The following RGS22 variants were observed in gnomAD, a reference collection of about 807,000 sequenced individuals.
RGS22 encodes the protein regulator of G-protein signaling 22.
In RGS22, 148 loss-of-function variants were observed where a neutral mutation model predicts 172.9. That is an observed-to-expected ratio of 0.86 (90% CI 0.75 to 0.98). The LOEUF is 0.98. RGS22 is among the 50% of genes least tolerant of loss of function. The pLI, the probability that RGS22 is intolerant of heterozygous loss-of-function variation, is 0.00. For synonymous variants in RGS22, 458 were observed against 480.2 expected, an observed-to-expected ratio of 0.95 and a Z score of 0.60; for missense variants, 1,347 against 1,440.8, an observed-to-expected ratio of 0.93 and a Z score of 1.05.
intron 3 of RGS22, among the ~76,000 whole-genome samples, chr8:100,084,956 A>C (rs1354682456): frequency 6.6e-6 from 1 of 152,228 alleles, no homozygotes; most frequent in African/African-American, 2.4e-5. Context: ...AAGGGTAGTA[A>C]TACTAGAATA....
chr8:100,093,257 T>TAA, intron 3 of RGS22, 190 bp downstream of exon 3: 1 of 481,468 alleles, frequency 2.1e-6, no homozygotes, highest in Admixed American at 3.9e-5. Flanking sequence ...ATTTCTTCAA[T>TAA]AAGAATAATT....
chr8:100,097,083 G>T (rs1471076697), intron 2 of RGS22, among the ~76,000 whole-genome samples: 1 of 152,134 alleles, frequency 6.6e-6, no homozygotes, highest in Non-Finnish European at 1.5e-5. Flanking sequence ...GGGCAATAAT[G>T]CTGAGGACAT....
chr8:100,077,264 GTTCT>G (rs945115168), intron 4 of RGS22, among the ~76,000 whole-genome samples: 10 of 151,826 alleles, frequency 6.6e-5, no homozygotes, highest in Non-Finnish European at 1.5e-4. Flanking sequence ...CATTGATTCT[GTTCT>G]TTATTTCTTT....
chr8:100,101,905 T>C (rs1020868094), intron 2 of RGS22, among the ~76,000 whole-genome samples: 2 of 151,014 alleles, frequency 1.3e-5, no homozygotes, highest in African/African-American at 4.9e-5. Context: ...AATAATAAAA[T>C]ATTTTTCTCA....
intron 20 of RGS22, among the ~76,000 whole-genome samples, chr8:99,991,555 A>G (rs1465112046): frequency 6.6e-6 from 1 of 152,190 alleles, no homozygotes; most frequent in Non-Finnish European, 1.5e-5. Context: ...GCAAGAAGAC[A>G]AGGTTAGAGA....
chr8:100,041,866 G>C lies in RGS22; in HGVS notation c.1874C>G (p.Thr625Ser). 1.2e-6 allele frequency: 2 copies of C among 1,613,218 alleles called. No individual in the cohort carries two copies. Among genetic ancestry groups the C allele is most frequent in the Non-Finnish European group, 1.7e-6 (2 of 1,179,412 alleles). The stretch of plus-strand genomic sequence containing the variant: ...GGGCTTGAGACATTCAGAAATGTCA[G>C]TAAAAGATGTTAAATGAATGACTTT... ...SSKVIHLTSF[T>S]DISECLKPQL... is the part of the protein sequence containing the mutation. Residue 625 changes from threonine (T) to serine (S), a missense_variant, in exon 12 of 28, where the codon ACT becomes AGT. By Grantham distance (58) the Thr-to-Ser change is moderately conservative (BLOSUM62 1). Transcript: ENST00000360863.
intron 3 of RGS22, among the ~76,000 whole-genome samples, chr8:100,085,700 C>A (rs763118952): frequency 6.6e-6 from 1 of 152,150 alleles, no homozygotes; most frequent in East Asian, 1.9e-4. Context: ...GATGATATGA[C>A]AACATACTGT....
intron 23 of RGS22, among the ~76,000 whole-genome samples, chr8:99,968,985 C>T (rs1811048599): frequency 6.6e-6 from 1 of 151,998 alleles, no homozygotes; most frequent in Non-Finnish European, 1.5e-5. Context: ...AGAGACAACC[C>T]TTTATAGGTC....
chr8:100,071,394 T>C lies in RGS22; in HGVS notation c.569A>G (p.Lys190Arg). 6.2e-7 allele frequency: 1 copy of C among 1,611,262 alleles called. No homozygotes were observed. Among genetic ancestry groups the C allele is most frequent in the Non-Finnish European group, 8.5e-7 (1 of 1,178,784 alleles). ...CTCACCAAGTGATACATAGAACTTT[T>C]TCATAATTACAAGATTATCTTCTTC... ...ATEEDNLVIMKKFYVSLGEAS... is the reference protein window; with the variant it reads ...ATEEDNLVIMRKFYVSLGEAS... Residue 190 changes from lysine (K) to arginine (R), a missense_variant, in exon 6 of 28, where the codon AAA becomes AGA. Lys to Arg is a conservative substitution (Grantham distance 26). Coordinates refer to ENST00000360863, the MANE Select transcript of RGS22 (RefSeq NM_015668.5).
At chr8:100,047,967 G>A (rs1398868044) in intron 10 of RGS22, among the ~76,000 whole-genome samples, 5 of 151,952 alleles carry the variant, frequency 3.3e-5, no homozygotes, top group African/African-American at 9.7e-5. Flanking sequence ...TGTACTGGGG[G>A]GGGGTGCGGG....
intron 10 of RGS22, among the ~76,000 whole-genome samples, chr8:100,051,236 A>G (rs1821245363): frequency 6.6e-6 from 1 of 151,184 alleles, no homozygotes; most frequent in Non-Finnish European, 1.5e-5. Context: ...AAGGAGACCA[A>G]TGTGGTTGGA....
chr8:100,040,753 T>C (rs1299012755), intron 12 of RGS22, among the ~76,000 whole-genome samples: 1 of 152,208 alleles, frequency 6.6e-6, no homozygotes, highest in Non-Finnish European at 1.5e-5. Flanking sequence ...GTTTAACTCT[T>C]TGCTATATGT....
At chr8:99,999,505 A>G (rs1286527597) in intron 18 of RGS22, 85 bp from the exon 19 acceptor site, 2 of 1,455,134 alleles carry the variant, frequency 1.4e-6, no homozygotes, top group African/African-American at 2.8e-5. Flanking sequence ...TCACTACAAA[A>G]CCATTTGCTG....
chr8:100,090,484 A>T (rs962076889), intron 3 of RGS22, among the ~76,000 whole-genome samples: 2 of 152,134 alleles, frequency 1.3e-5, no homozygotes, highest in Non-Finnish European at 2.9e-5. Flanking sequence ...ATTGTATACT[A>T]GCAAATTTGG....
chr8:100,064,338 C>T (rs1250136027), intron 7 of RGS22, among the ~76,000 whole-genome samples: 2 of 151,990 alleles, frequency 1.3e-5, no homozygotes, highest in Non-Finnish European at 2.9e-5. Flanking sequence ...CTTGGTGGCA[C>T]AGTAATCCCA....
In RGS22 at chr8:100,051,835, G is replaced by A. The variant is rs1200324344; in HGVS notation, c.1689+967C>T. 9.0e-4 allele frequency among the ~76,000 whole-genome samples: 33 copies of A among 36,716 alleles called. 9 individuals are homozygous for A. The highest frequency in any genetic ancestry group is 4.5e-3 in the African/African-American group (33 of 7,272). The allele number at this position is 36,716 out of a possible 152,430, so 24.1% of individuals were successfully genotyped here. ...TGTTTATATATATTTATATATAAAT[G>A]TTTATATATTTATATATTTATATAT... is the stretch of plus-strand genomic sequence containing the variant. On this transcript the variant is annotated intron_variant, in intron 10 of 27. Coordinates refer to ENST00000360863, the MANE Select transcript of RGS22 (RefSeq NM_015668.5).
intron 10 of RGS22, among the ~76,000 whole-genome samples, chr8:100,051,805 A>G (rs1459567376): frequency 2.4e-5 from 1 of 41,928 alleles, no homozygotes; most frequent in Non-Finnish European, 4.2e-5. Context: ...ATATTTATAT[A>G]TAAATGTTTA....
intron 23 of RGS22, 133 bp downstream of exon 23, chr8:99,977,784 A>C: frequency 1.5e-6 from 1 of 668,276 alleles, no homozygotes; most frequent in South Asian, 2.5e-5. Context: ...CTTCTGACTG[A>C]AGGCTTAAAA....
chr8:100,027,249 G>C (rs750299184), intron 14 of RGS22, among the ~76,000 whole-genome samples: 7 of 152,150 alleles, frequency 4.6e-5, no homozygotes, highest in Admixed American at 2.6e-4. Flanking sequence ...AAAAAAAAGA[G>C]AGAGACATTA....
Sources: allele counts gnomAD v4.1 joint callset (sites outside exome capture counted in the v4.1 genomes callset), GRCh38; gene constraint gnomAD v4.1.1; transcripts MANE v1.5; gene names NCBI Gene and HGNC (gene_info 2026-07-23, HGNC 2026-07-21).